The following IFT172 variants were observed in gnomAD, a reference collection of about 807,000 sequenced individuals.
IFT172 encodes intraflagellar transport protein 172 homolog.
In IFT172, 164 loss-of-function variants were observed where a neutral mutation model predicts 248.9. The ratio of observed to expected loss-of-function variants is 0.66; its 90% CI spans 0.58 to 0.75. The LOEUF (loss-of-function observed/expected upper bound fraction) is 0.75, where lower values mean the gene tolerates loss of function less well. Ranked by LOEUF, IFT172 falls within the 30% of genes least tolerant of loss-of-function variation. The probability of loss-of-function intolerance (pLI) is 0.00; values close to 1 mark genes in which losing one functional copy is unlikely to be tolerated. For missense variants in IFT172, 1,950 were observed against 2,192.4 expected, an observed-to-expected ratio of 0.89 and a Z score of 2.21; for synonymous variants, 729 against 791.6, an observed-to-expected ratio of 0.92 and a Z score of 1.33.
In IFT172 at chr2:27,478,121, C is replaced by A; in HGVS notation, c.1041G>T (p.Val347=). The A allele has an allele frequency of 6.2e-7, 1 of 1,614,146 alleles. No individual in the cohort carries two copies. The highest frequency in any genetic ancestry group is 2.2e-5 in the East Asian group (1 of 44,884). Residue 347 remains valine (V), a synonymous_variant, in exon 11 of 48, where the codon GTG becomes GTT. Coordinates refer to ENST00000260570, the MANE Select transcript of IFT172 (RefSeq NM_015662.3). ...CATAGCCATAGTGTGACTTGAGCACCACTCGGGTTCCTGATGACAGGTTCT... is the reference window on the plus strand; with the variant it reads ...CATAGCCATAGTGTGACTTGAGCACAACTCGGGTTCCTGATGACAGGTTCT... The part of the protein sequence containing the change: ...IVKNLSSGTR[V]VLKSHYGYEV...
Position 27,454,508 on chromosome 2 carries a change from A to C in IFT172, c.3465+59T>G, listed in dbSNP as rs1390448950. On this transcript the variant is annotated intron_variant, in intron 31 of 47. Transcript: ENST00000260570. The surrounding 1 kb of genome is among the most constrained non-coding windows in gnomAD (Gnocchi z 4.2). ...ACTGGGGGTCTGCACACCCAGCAGCAGTGCACTAGGGGATGGAATAAGAGG... is the reference window on the plus strand; with the variant it reads ...ACTGGGGGTCTGCACACCCAGCAGCCGTGCACTAGGGGATGGAATAAGAGG... The C allele has an allele frequency of 2.5e-6, 4 of 1,605,526 alleles. No homozygotes were observed. Among genetic ancestry groups the C allele is most frequent in the Non-Finnish European group, 3.4e-6 (4 of 1,172,214 alleles).
chr2:27,471,302 C>T, intron 15 of IFT172: 1 of 435,748 alleles, frequency 2.3e-6, no homozygotes. Context: ...CAAAGATCTA[C>T]ATCCCAGGAA....
chr2:27,459,868 G>A (rs754774398), intron 23 of IFT172, 39 bp from the exon 24 acceptor site: 1 of 1,603,902 alleles, frequency 6.2e-7, no homozygotes, highest in Non-Finnish European at 8.5e-7. Flanking sequence ...CAGATTTCCA[G>A]GGATGGGCCT....
intron 36 of IFT172, 48 bp downstream of exon 36, chr2:27,449,949 AC>A (rs1382502187): frequency 6.5e-7 from 1 of 1,527,844 alleles, no homozygotes; most frequent in Non-Finnish European, 9.1e-7. Context: ...TCACCCTTGC[AC>A]CCATCTCTGT....
Position 27,461,039 on chromosome 2 carries a change from G to C in IFT172, c.2497C>G (p.Arg833Gly), listed in dbSNP as rs778307866. 1 of 1,614,080 alleles carries C rather than the reference G, an allele frequency of 6.2e-7. No individual in the cohort carries two copies. The highest frequency in any genetic ancestry group is 8.5e-7 in the Non-Finnish European group (1 of 1,180,006). ...CCTTTCATGAATGCGTTGCCTTTAC[G>C]GTAGCACTCCAGGGCCTTCTGTGGA... is the stretch of plus-strand genomic sequence containing the variant. ...HNPQKALECY[R>G]KGNAFMKAVE... Residue 833 changes from arginine (R) to glycine (G), a missense_variant, in exon 23 of 48, where the codon CGT (arginine) becomes GGT (glycine). Transcript: ENST00000260570.
intron 28 of IFT172, 40 bp from the exon 29 acceptor site, chr2:27,457,795 G>C (rs761704445): frequency 1.4e-5 from 23 of 1,614,010 alleles, no homozygotes; most frequent in South Asian, 4.4e-5. Flanking sequence ...TGGGGAGATG[G>C]AGCCTGGTTG....
intron 18 of IFT172, chr2:27,465,190 G>A: frequency 1.8e-6 from 1 of 551,310 alleles, no homozygotes; most frequent in Admixed American, 3.1e-5. Context: ...AAAGTGCTGG[G>A]ATTACAGGCA....
At chr2:27,464,653 G>C (rs1479813611) in intron 18 of IFT172, among the ~76,000 whole-genome samples, 1 of 151,302 alleles carries the variant, frequency 6.6e-6, no homozygotes, top group African/African-American at 2.4e-5. Context: ...ACGATCTCGC[G>C]CATCAGCCAG....
At position 27,449,280 on chromosome 2, in the gene IFT172, GAA is replaced by G. The variant is rs765403061; in HGVS notation, c.4311+12_4311+13del. ...AAATGTAAAGAAAAACTGGGAATGG[GAA>G]GAGAGCAGTACCTGCTTGGTAGCTG... On this transcript the variant is annotated intron_variant, in intron 39 of 47. Transcript: ENST00000260570. 1.2e-6 allele frequency: 2 copies of G among 1,613,960 alleles called. No homozygotes were observed. The highest frequency in any genetic ancestry group is 1.7e-6 in the Non-Finnish European group (2 of 1,179,918).
chr2:27,467,541 G>A (rs574029226), intron 16 of IFT172, among the ~76,000 whole-genome samples: 2 of 145,578 alleles, frequency 1.4e-5, no homozygotes, highest in African/African-American at 5.1e-5. Context: ...GAGCCCAGGA[G>A]GCTGAGGCTG....
chr2:27,476,066 G>T (rs780095909), intron 14 of IFT172, among the ~76,000 whole-genome samples: 1 of 151,990 alleles, frequency 6.6e-6, no homozygotes, highest in Non-Finnish European at 1.5e-5. Flanking sequence ...TTTGTGAAAT[G>T]CAAATAAAAT....
intron 15 of IFT172, chr2:27,471,928 C>T (rs1446683093): frequency 9.3e-6 from 4 of 432,432 alleles, no homozygotes; most frequent in Non-Finnish European, 1.6e-5. Context: ...GTCCCAGCTA[C>T]TGGGGAGGCT....
chr2:27,471,196 C>T, intron 15 of IFT172, 101 bp from the exon 16 acceptor site: 1 of 1,137,080 alleles, frequency 8.8e-7, no homozygotes, highest in Non-Finnish European at 1.3e-6. Context: ...AGCTAACCCA[C>T]CACTCAGGTT....
At position 27,459,710 on chromosome 2, in the gene IFT172, T is replaced by C. The variant is rs1240302436; in HGVS notation, c.2641A>G (p.Arg881Gly). The stretch of plus-strand genomic sequence containing the variant: ...CTTTACATTCCCATACTCCCATACC[T>C]GGCTTCGATGTAGTGATTAATGGCT... Reference protein sequence around the residue: ...DAAINHYIEARCSIKAIEAAL... With the variant: ...DAAINHYIEAGCSIKAIEAAL... Residue 881 changes from arginine to glycine, a missense_variant and splice_region_variant, in exon 24 of 48, where the codon AGG (arginine) becomes GGG (glycine). Arg to Gly is a moderately radical substitution (Grantham distance 125). Coordinates refer to ENST00000260570, the MANE Select transcript of IFT172 (RefSeq NM_015662.3). The C allele has an allele frequency of 6.2e-7, 1 of 1,612,196 alleles. No individual in the cohort carries two copies. Among genetic ancestry groups the C allele is most frequent in the South Asian group, 1.1e-5 (1 of 91,086 alleles).
intron 42 of IFT172, among the ~76,000 whole-genome samples, chr2:27,446,660 C>T (rs1241069652): frequency 1.4e-5 from 2 of 147,138 alleles, no homozygotes; most frequent in Non-Finnish European, 3.0e-5. Context: ...ACTACAAGCG[C>T]ACATTACCAT....
chr2:27,446,509 C>A, intron 42 of IFT172, 154 bp from the exon 43 acceptor site: 1 of 566,834 alleles, frequency 1.8e-6, no homozygotes, highest in Non-Finnish European at 3.0e-6. Flanking sequence ...TTTTTTTTTT[C>A]TTTTTCTCTG....
intron 42 of IFT172, among the ~76,000 whole-genome samples, chr2:27,446,680 ATTTTTTTTT>A (rs766069964): frequency 0.012 from 1,001 of 80,436 alleles, 15 homozygotes; most frequent in African/African-American, 0.049. Flanking sequence ...TGCCTGGCTA[ATTTTTTTTT>A]TTTTTTTTTT....
At chr2:27,472,683 T>A (rs1161549059) in intron 14 of IFT172, among the ~76,000 whole-genome samples, 2 of 152,196 alleles carry the variant, frequency 1.3e-5, no homozygotes, top group Non-Finnish European at 2.9e-5. Flanking sequence ...GGCTGATGAA[T>A]CAATGACCTT....
intron 26 of IFT172, among the ~76,000 whole-genome samples, chr2:27,458,545 C>T (rs1666367279): frequency 6.6e-6 from 1 of 152,188 alleles, no homozygotes. Flanking sequence ...AGTTCAGATT[C>T]CCCAGCTCCC....
Sources: gnomAD v4.1 joint callset for allele counts (sites outside exome capture counted in the v4.1 genomes callset) on GRCh38, gnomAD v4.1.1 for gene constraint, Gnocchi (gnomAD v3.1) non-coding constraint, MANE v1.5 for transcripts, NCBI Gene and HGNC (gene_info 2026-07-23, HGNC 2026-07-21) for gene names.